Variants in ZMAT4 observed in about 807,000 individuals in gnomAD.
ZMAT4 encodes zinc finger matrin-type protein 4.
In ZMAT4, 17 loss-of-function variants were observed where a neutral mutation model predicts 28.7. The ratio of observed to expected loss-of-function variants is 0.59; its 90% confidence interval spans 0.41 to 0.89. ZMAT4 has a LOEUF of 0.89. Among genes scored for constraint, ZMAT4 ranks in the 40% least tolerant of loss-of-function variants. ZMAT4 has a pLI of 0.00. For synonymous variants in ZMAT4, 117 were observed against 109.2 expected, an observed-to-expected ratio of 1.07 and a Z score of -0.44; for missense variants, 240 against 283.8, an observed-to-expected ratio of 0.85 and a Z score of 1.11.
chr8:40,785,765 G>A (rs910262671), intron 2 of ZMAT4, among the ~76,000 whole-genome samples: 1 of 152,082 alleles, frequency 6.6e-6, no homozygotes, highest in Non-Finnish European at 1.5e-5. Flanking sequence ...AAATAATAAA[G>A]TCTTCATCCT....
chr8:40,625,949 A>C (rs1211540196), intron 5 of ZMAT4, among the ~76,000 whole-genome samples: 1 of 152,150 alleles, frequency 6.6e-6, no homozygotes, highest in Non-Finnish European at 1.5e-5. Flanking sequence ...CATCTCTACT[A>C]AAAATACAAA....
chr8:40,759,682 C>T lies in ZMAT4; in HGVS notation c.192+7959G>A, dbSNP rs181850974. Among the ~76,000 whole-genome samples the T allele has an allele frequency of 8.4e-4, 128 of 152,228 alleles. 1 individual carries two copies. Among genetic ancestry groups the T allele is most frequent in the African/African-American group, 2.9e-3 (121 of 41,530 alleles). ...AGCACAGGCCAACTAAAACAAGGGT[C>T]GACTGTCTTGGTCGCGCCCCACCCA... On this transcript the variant is annotated intron_variant, in intron 3 of 6. Coordinates refer to ENST00000297737, the MANE Select transcript of ZMAT4 (RefSeq NM_024645.3).
At chr8:40,881,497 A>AAGAAAGAG (rs1554497976) in intron 1 of ZMAT4, among the ~76,000 whole-genome samples, 20 of 136,752 alleles carry the variant, frequency 1.5e-4, no homozygotes, top group African/African-American at 4.6e-4. Context: ...GAAAGAAAGA[A>AAGAAAGAG]AGAGGAAGGA....
intron 2 of ZMAT4, among the ~76,000 whole-genome samples, chr8:40,803,643 T>A (rs1473248761): frequency 3.3e-5 from 5 of 152,302 alleles, no homozygotes; most frequent in East Asian, 1.9e-4. Context: ...TGTAAAATGG[T>A]ACAGCCACTT....
At chr8:40,560,208 T>TAG (rs1803689364) in intron 6 of ZMAT4, among the ~76,000 whole-genome samples, 1 of 150,252 alleles carries the variant, frequency 6.7e-6, no homozygotes, top group Non-Finnish European at 1.5e-5. Context: ...TATATATATA[T>TAG]ATATATATAA....
intron 1 of ZMAT4, among the ~76,000 whole-genome samples, chr8:40,886,586 T>C (rs1038557009): frequency 1.3e-5 from 2 of 152,222 alleles, no homozygotes; most frequent in African/African-American, 4.8e-5. Context: ...CCTTAGGTTC[T>C]ATTTCTTTCT....
At chr8:40,769,350 C>T (rs1586022726) in intron 2 of ZMAT4, among the ~76,000 whole-genome samples, 1 of 152,190 alleles carries the variant, frequency 6.6e-6, no homozygotes, top group East Asian at 1.9e-4. Context: ...CATTATTTTG[C>T]GGCTTCTACA....
intron 2 of ZMAT4, among the ~76,000 whole-genome samples, chr8:40,803,136 G>A (rs1814924715): frequency 6.6e-6 from 1 of 152,004 alleles, no homozygotes; most frequent in African/African-American, 2.4e-5. Context: ...GATAATACAG[G>A]AAAATATCTA....
chr8:40,612,320 A>T (rs1805831599), intron 5 of ZMAT4, among the ~76,000 whole-genome samples: 1 of 101,118 alleles, frequency 9.9e-6, no homozygotes, highest in Non-Finnish European at 2.7e-5. Context: ...TTGTGTGTCA[A>T]TACAAATAAT....
At chr8:40,751,336 A>T (rs555542996) in intron 3 of ZMAT4, among the ~76,000 whole-genome samples, 1 of 152,200 alleles carries the variant, frequency 6.6e-6, no homozygotes, top group African/African-American at 2.4e-5. Flanking sequence ...GAAGCTTCCA[A>T]TCATGGCAGA....
chr8:40,865,263 C>A (rs1020039826), intron 1 of ZMAT4, among the ~76,000 whole-genome samples: 3 of 152,102 alleles, frequency 2.0e-5, no homozygotes, highest in African/African-American at 7.2e-5. Flanking sequence ...AAGTCCAAGA[C>A]AAAAAGGAAG....
intron 5 of ZMAT4, among the ~76,000 whole-genome samples, chr8:40,595,748 C>T (rs1039888974): frequency 1.7e-4 from 26 of 152,128 alleles, no homozygotes; most frequent in African/African-American, 6.0e-4. Context: ...TAGGGTGAGT[C>T]AGTGACTGAG....
intron 5 of ZMAT4, among the ~76,000 whole-genome samples, chr8:40,635,777 G>C (rs1457422478): frequency 6.6e-6 from 1 of 152,086 alleles, no homozygotes; most frequent in Non-Finnish European, 1.5e-5. Flanking sequence ...CCATGAAAAG[G>C]CCCCTAAAAA....
intron 2 of ZMAT4, among the ~76,000 whole-genome samples, chr8:40,799,468 T>G (rs1192754022): frequency 6.6e-6 from 1 of 152,202 alleles, no homozygotes; most frequent in African/African-American, 2.4e-5. Context: ...TTATTCCAAA[T>G]TTAAAGATTT....
chr8:40,893,480 T>C (rs1481900589), intron 1 of ZMAT4, among the ~76,000 whole-genome samples: 1 of 152,110 alleles, frequency 6.6e-6, no homozygotes, highest in Non-Finnish European at 1.5e-5. Context: ...AGAGCCCAGA[T>C]AGTAAGATCA....
At chr8:40,688,267 C>T (rs887340567) in intron 4 of ZMAT4, among the ~76,000 whole-genome samples, 5 of 152,180 alleles carry the variant, frequency 3.3e-5, no homozygotes, top group South Asian at 2.1e-4. Context: ...ACCAGCCTGA[C>T]CAACATGGTG....
intron 5 of ZMAT4, among the ~76,000 whole-genome samples, chr8:40,611,258 T>C (rs565458998): frequency 6.6e-6 from 1 of 152,300 alleles, no homozygotes; most frequent in Admixed American, 6.5e-5. Flanking sequence ...ATTATTTAGG[T>C]TGTGGTCCAT....
chr8:40,686,526 C>T (rs558646772), intron 4 of ZMAT4, among the ~76,000 whole-genome samples: 2 of 152,012 alleles, frequency 1.3e-5, no homozygotes, highest in African/African-American at 2.4e-5. Context: ...CCCTGCTACT[C>T]GGGAGTCTGA....
At chr8:40,741,018 A>G (rs1440740245) in intron 3 of ZMAT4, among the ~76,000 whole-genome samples, 2 of 151,268 alleles carry the variant, frequency 1.3e-5, no homozygotes, top group East Asian at 1.9e-4. Flanking sequence ...ACACACACAC[A>G]CACGCACACA....
Sources: gnomAD v4.1 joint callset for allele counts (sites outside exome capture counted in the v4.1 genomes callset) on GRCh38, gnomAD v4.1.1 for gene constraint, MANE v1.5 for transcripts, NCBI Gene and HGNC (gene_info 2026-07-23, HGNC 2026-07-21) for gene names.